Variants in CUBN observed in about 807,000 individuals in gnomAD.
The protein encoded by CUBN is cubilin.
CUBN carries 282 observed loss-of-function variants against 405.3 expected under a neutral mutation model. The ratio of observed to expected loss-of-function variants is 0.70; its 90% CI spans 0.63 to 0.77. The LOEUF (loss-of-function observed/expected upper bound fraction) is 0.77. Among genes scored for constraint, CUBN ranks in the 30% least tolerant of loss-of-function variants. CUBN has a pLI of 0.00. For synonymous variants in CUBN, 1,684 were observed against 1,617.0 expected, an observed-to-expected ratio of 1.04 and a Z score of -0.99; for missense variants, 4,514 against 4,475.2, an observed-to-expected ratio of 1.01 and a Z score of -0.25.
intron 22 of CUBN, among the ~76,000 whole-genome samples, chr10:17,050,119 G>A (rs1010808075): frequency 2.0e-5 from 3 of 151,964 alleles, no homozygotes; most frequent in South Asian, 2.1e-4. Flanking sequence ...CCAATCCTAC[G>A]ACTTCTATTT....
intron 48 of CUBN, among the ~76,000 whole-genome samples, chr10:16,910,988 A>G (rs1259939252): frequency 6.6e-6 from 1 of 152,186 alleles, no homozygotes; most frequent in Non-Finnish European, 1.5e-5. Flanking sequence ...CAGGAGAAGA[A>G]TGAAGGAACT....
chr10:17,124,276 A>C (rs1397391405), intron 4 of CUBN, among the ~76,000 whole-genome samples: 2 of 152,124 alleles, frequency 1.3e-5, no homozygotes, highest in Non-Finnish European at 2.9e-5. Context: ...CCAGATCACA[A>C]ACAGACCTAC....
chr10:16,860,560 C>A (rs1197578737), intron 59 of CUBN, among the ~76,000 whole-genome samples: 4 of 152,188 alleles, frequency 2.6e-5, no homozygotes, highest in Non-Finnish European at 5.9e-5. Flanking sequence ...TGATCACTAG[C>A]TGGATATCCT....
At chr10:16,879,682 CA>C (rs1231601831) in intron 56 of CUBN, among the ~76,000 whole-genome samples, 5 of 152,304 alleles carry the variant, frequency 3.3e-5, no homozygotes, top group Middle Eastern at 3.4e-3. Context: ...AGGTGAATTT[CA>C]ACACCCTTGT....
At chr10:17,063,641 C>T (rs1015621176) in intron 22 of CUBN, among the ~76,000 whole-genome samples, 1 of 152,120 alleles carries the variant, frequency 6.6e-6, no homozygotes, top group Admixed American at 6.6e-5. Context: ...ATTTTAACTG[C>T]TCTGGGTTCT....
At chr10:16,999,080 G>A (rs1010188820) in intron 28 of CUBN, among the ~76,000 whole-genome samples, 1 of 152,202 alleles carries the variant, frequency 6.6e-6, no homozygotes, top group African/African-American at 2.4e-5. Context: ...ATTGCATGAA[G>A]TCAGTGACTT....
intron 31 of CUBN, among the ~76,000 whole-genome samples, chr10:16,957,393 C>T (rs552001181): frequency 8.5e-5 from 13 of 152,254 alleles, no homozygotes; most frequent in Admixed American, 8.5e-4. Flanking sequence ...TGCTAAGTAC[C>T]ATCCCATTGT....
At chr10:16,922,166 G>A (rs1048867674) in intron 43 of CUBN, among the ~76,000 whole-genome samples, 10 of 151,980 alleles carry the variant, frequency 6.6e-5, no homozygotes, top group African/African-American at 2.2e-4. Flanking sequence ...CATCCCCGGG[G>A]CCTGATACAG....
intron 14 of CUBN, among the ~76,000 whole-genome samples, chr10:17,095,420 A>G (rs1030712669): frequency 6.6e-6 from 1 of 152,032 alleles, no homozygotes; most frequent in Admixed American, 6.6e-5. Context: ...AAACAAACTA[A>G]CCCAATCTTA....
intron 44 of CUBN, among the ~76,000 whole-genome samples, chr10:16,919,206 A>G (rs1157572457): frequency 6.6e-6 from 1 of 152,214 alleles, no homozygotes; most frequent in African/African-American, 2.4e-5. Context: ...GGACTAATGG[A>G]GCGTCCCAAC....
intron 4 of CUBN, among the ~76,000 whole-genome samples, chr10:17,125,813 T>C (rs1390128089): frequency 6.6e-6 from 1 of 152,188 alleles, no homozygotes; most frequent in Non-Finnish European, 1.5e-5. Context: ...TTGAGTGCAG[T>C]GTCACGGTCC....
intron 59 of CUBN, among the ~76,000 whole-genome samples, chr10:16,868,046 CA>C (rs1026854193): frequency 6.0e-5 from 9 of 150,350 alleles, no homozygotes; most frequent in South Asian, 2.1e-4. Flanking sequence ...CTTTTTTGTG[CA>C]AAAAAAAATC....
At chr10:16,884,658 G>T in intron 56 of CUBN, among the ~76,000 whole-genome samples, 1 of 152,110 alleles carries the variant, frequency 6.6e-6, no homozygotes, top group East Asian at 1.9e-4. Context: ...AGGTCACTGA[G>T]CCTTTGTAAC....
At position 17,088,224 on chromosome 10, in the gene CUBN, T is replaced by C. The variant is rs2131869453; in HGVS notation, c.1887A>G (p.Thr629=). Residue 629 remains threonine, a synonymous_variant, in exon 15 of 67, where the codon ACA becomes ACG. Coordinates refer to ENST00000377833, the MANE Select transcript of CUBN (RefSeq NM_001081.4). ...CGAGGCTCAAGGTCCCAAAAGTAAATGTTACCAGGAGGTCAGGACTAGTTA... is the reference window on the plus strand; with the variant it reads ...CGAGGCTCAAGGTCCCAAAAGTAAACGTTACCAGGAGGTCAGGACTAGTTA... ...IVVTSPDLLV[T]FTFGTLSLEH... 1 of 1,613,858 alleles carries C rather than the reference T, an allele frequency of 6.2e-7. No individual in the cohort carries two copies. The highest frequency in any genetic ancestry group is 8.5e-7 in the Non-Finnish European group (1 of 1,179,822).
intron 7 of CUBN, among the ~76,000 whole-genome samples, chr10:17,114,588 A>G (rs1031889078): frequency 6.6e-6 from 1 of 152,162 alleles, no homozygotes; most frequent in East Asian, 1.9e-4. Context: ...CCACCTCCTC[A>G]ACCCTTCCAT....
In CUBN at chr10:17,063,831, T is replaced by C. The variant is rs574337089; in HGVS notation, c.3139+1677A>G. On this transcript the variant is annotated intron_variant, in intron 22 of 66. Coordinates refer to ENST00000377833, the MANE Select transcript of CUBN (RefSeq NM_001081.4). ...ACCAAATTAAAATTATGTTCATAGATGATTAAAGCCAGAAGTCATCTCTCG... is the reference window on the plus strand; with the variant it reads ...ACCAAATTAAAATTATGTTCATAGACGATTAAAGCCAGAAGTCATCTCTCG... Among the ~76,000 whole-genome samples, 6 of 152,342 alleles carry C rather than the reference T, an allele frequency of 3.9e-5. No individual in the cohort carries two copies. In the East Asian group the frequency reaches 1.2e-3, roughly 29 times the overall value.
intron 40 of CUBN, among the ~76,000 whole-genome samples, chr10:16,931,029 G>A (rs1325636756): frequency 6.6e-6 from 1 of 151,862 alleles, no homozygotes; most frequent in Non-Finnish European, 1.5e-5. Flanking sequence ...GGCCAAGGTG[G>A]GCAGATCACG....
At chr10:17,012,575 T>C (rs946599677) in intron 28 of CUBN, among the ~76,000 whole-genome samples, 1 of 152,218 alleles carries the variant, frequency 6.6e-6, no homozygotes, top group African/African-American at 2.4e-5. Context: ...TGTGTGGTAG[T>C]AGGATAATGC....
chr10:17,068,934 A>G (rs1376309991), intron 19 of CUBN, among the ~76,000 whole-genome samples, 164 bp from the exon 20 acceptor site: 1 of 152,176 alleles, frequency 6.6e-6, no homozygotes, highest in Non-Finnish European at 1.5e-5. Flanking sequence ...CATATCCTTT[A>G]GCAGTCACTC....
Sources: gnomAD v4.1 joint callset for allele counts (sites outside exome capture counted in the v4.1 genomes callset) on GRCh38, gnomAD v4.1.1 for gene constraint, MANE v1.5 for transcripts, NCBI Gene and HGNC (gene_info 2026-07-23, HGNC 2026-07-21) for gene names.